TUBGCP2: variants seen among roughly 807,000 people sequenced by gnomAD.
TUBGCP2 encodes the protein tubulin gamma complex component 2.
A neutral mutation model predicts 92.2 loss-of-function variants in TUBGCP2; 55 were observed. That is an observed-to-expected ratio of 0.60 (90% CI 0.48 to 0.75). The LOEUF (loss-of-function observed/expected upper bound fraction) is 0.75, where lower values mean the gene tolerates loss of function less well. TUBGCP2 is among the 30% of genes least tolerant of loss of function. TUBGCP2 has a pLI of 0.00. For missense variants in TUBGCP2, 1,093 were observed against 1,188.9 expected (o/e 0.92, Z 1.19); for synonymous variants, 533 against 505.2 (o/e 1.06, Z -0.74).
intron 1 of TUBGCP2, among the ~76,000 whole-genome samples, chr10:133,304,597 G>T (rs1384382532): frequency 3.3e-5 from 5 of 152,208 alleles, no homozygotes; most frequent in Non-Finnish European, 5.9e-5. Flanking sequence ...AGTGTGGGCG[G>T]CAAGCCACCC....
rs1847238571 is a variant in TUBGCP2, at chr10:133,289,891, C to T, written c.1293G>A (p.Arg431=). 1 of 1,604,344 alleles carries T rather than the reference C, an allele frequency of 6.2e-7. No individual in the cohort carries two copies. The highest frequency in any genetic ancestry group is 8.5e-7 in the Non-Finnish European group (1 of 1,176,030). ...GGATCTGCTGCTGGACGATGGTGTA[C>T]CGCTGGTCCCAGTACTTGTCGTTGT... ...EDYNDKYWDQ[R]YTIVQQQIPS... is the part of the protein sequence containing the mutation. Residue 431 remains arginine, a synonymous_variant, in exon 9 of 18, where the codon CGG becomes CGA. Transcript: ENST00000252936.
At position 133,279,745 on chromosome 10, in the gene TUBGCP2, C is replaced by A. The variant is rs1846916351; in HGVS notation, c.*21G>T. On this transcript the variant is annotated 3_prime_UTR_variant, in exon 18 of 18. Coordinates refer to ENST00000252936, the MANE Select transcript of TUBGCP2 (RefSeq NM_006659.4). ...CAGTCCCTGCTGACCCCACACCCTT[C>A]CTTCCTGTCACAGCCAGGGCTCACT... is the stretch of plus-strand genomic sequence containing the variant. 3 of 1,546,216 alleles carry A rather than the reference C, an allele frequency of 1.9e-6. No individual in the cohort carries two copies. The highest frequency in any genetic ancestry group is 2.6e-6 in the Non-Finnish European group (3 of 1,144,382).
At position 133,285,589 on chromosome 10, in the gene TUBGCP2, G is replaced by A. The variant is rs139458346; in HGVS notation, c.1762C>T (p.Arg588Cys). Reference sequence around the variant, plus strand: ...TGCTTGGTCTCGATGGCCAGGACGCGCAAGAGCTGAGTGATGAGGTCATGG... The same window carrying A: ...TGCTTGGTCTCGATGGCCAGGACGCACAAGAGCTGAGTGATGAGGTCATGG... Reference protein sequence around the residue: ...MPHDLITQLLRVLAIETKQEK... With the variant: ...MPHDLITQLLCVLAIETKQEK... The change falls in exon 12 of 18, where the codon CGC (arginine) becomes TGC (cysteine). Residue 588 changes from arginine to cysteine, a missense_variant. By Grantham distance (180) the Arg-to-Cys change is radical. Coordinates refer to ENST00000252936, the MANE Select transcript of TUBGCP2 (RefSeq NM_006659.4). The surrounding 1 kb of genome is among the most constrained non-coding windows in gnomAD (Gnocchi z 6.8). 2.1e-5 allele frequency: 32 copies of A among 1,544,428 alleles called. No individual in the cohort carries two copies. Among genetic ancestry groups the A allele is most frequent in the East Asian group, 4.5e-5 (2 of 44,118 alleles).
Position 133,288,224 on chromosome 10 carries a change from C to T in TUBGCP2, c.1627G>A (p.Val543Met), listed in dbSNP as rs1024701857. ...AGGCGAGGGGGCGTGATGTCCTCCA[C>T]CGGCTTCCGGAGCTCCTCCTCCGCG... ...DLAEEELRKP[V>M]EDITPPRLEA... is the part of the protein sequence containing the mutation. Residue 543 changes from valine (V) to methionine (M), a missense_variant, in exon 11 of 18, where the codon GTG becomes ATG. By Grantham distance (21) the Val-to-Met change is conservative. Coordinates refer to ENST00000252936, the MANE Select transcript of TUBGCP2 (RefSeq NM_006659.4). 2 of 1,613,854 alleles carry T rather than the reference C, an allele frequency of 1.2e-6. No individual in the cohort carries two copies. Among genetic ancestry groups the T allele is most frequent in the Non-Finnish European group, 8.5e-7 (1 of 1,179,958 alleles).
chr10:133,312,075 A>G (rs1455955739), upstream of TUBGCP2: 1 of 1,462,392 alleles, frequency 6.8e-7, no homozygotes, highest in East Asian at 2.5e-5. Flanking sequence ...GCCAAGCACC[A>G]CTCACTTTTC....
intron 15 of TUBGCP2, among the ~76,000 whole-genome samples, chr10:133,282,616 C>T (rs904495015): frequency 8.5e-5 from 13 of 152,194 alleles, no homozygotes; most frequent in African/African-American, 2.4e-5. Context: ...CCCTCCTCCA[C>T]CTCCCCACTC....
chr10:133,294,865 C>T (rs1246431172), intron 5 of TUBGCP2, among the ~76,000 whole-genome samples: 1 of 151,970 alleles, frequency 6.6e-6, no homozygotes, highest in Non-Finnish European at 1.5e-5. Context: ...AATTCCATTT[C>T]TTTCTATTAC....
chr10:133,286,594 G>C lies in TUBGCP2; in HGVS notation c.1723-966C>G, dbSNP rs534843565. ...GTCCTCCTCCCGCGCGCACGGAACC[G>C]AGGGCACATCCTCCTCCCGCGCGCA... is the stretch of plus-strand genomic sequence containing the variant. On this transcript the variant is annotated intron_variant, in intron 11 of 17. Coordinates refer to ENST00000252936, the MANE Select transcript of TUBGCP2 (RefSeq NM_006659.4). 5.3e-5 allele frequency among the ~76,000 whole-genome samples: 8 copies of C among 151,796 alleles called. No individual in the cohort carries two copies. The South Asian group carries it at 1.7e-3, about 32-fold the overall frequency.
chr10:133,293,803 C>G, intron 5 of TUBGCP2, 34 bp from the exon 6 acceptor site: 1 of 1,550,622 alleles, frequency 6.4e-7, no homozygotes, highest in African/African-American at 1.4e-5. Flanking sequence ...GCTCTGCAGC[C>G]CCCACTCCCA....
Position 133,279,728 on chromosome 10 carries a change from G to C in TUBGCP2, c.*38C>G, listed in dbSNP as rs1272869715. ...TCTGGACCCATTTGCACCAGTCCCTGCTGACCCCACACCCTTCCTTCCTGT... is the reference window on the plus strand; with the variant it reads ...TCTGGACCCATTTGCACCAGTCCCTCCTGACCCCACACCCTTCCTTCCTGT... On this transcript the variant is annotated 3_prime_UTR_variant, in exon 18 of 18. Transcript: ENST00000252936. 1.3e-6 allele frequency: 2 copies of C among 1,526,100 alleles called. No homozygotes were observed. The highest frequency in any genetic ancestry group is 8.8e-7 in the Non-Finnish European group (1 of 1,135,358). The allele number at this position is 1,526,100 out of a possible 1,614,324, so 94.5% of individuals were successfully genotyped here. A position where few individuals can be genotyped will look rare whatever the true frequency, so the allele number is the denominator to read the frequency against.
chr10:133,282,303 C>T lies in TUBGCP2; in HGVS notation c.2329G>A (p.Gly777Arg), dbSNP rs765587736. ...ACGGTGCTGTGCTCCAGCGTCTGCC[C>T]GCCCAGCTCGCCATCTAATTTCATG... ...QSMKLDGELGGQTLEHSTVLG... is the reference protein window; with the variant it reads ...QSMKLDGELGRQTLEHSTVLG... Residue 777 changes from glycine to arginine, a missense_variant, in exon 16 of 18, where the codon GGG becomes AGG. Physicochemically the swap from Gly to Arg is moderately radical, Grantham distance 125. Around this residue, in one of 3 missense-constraint regions of TUBGCP2, gnomAD observed 598 missense variants for 675.5 expected, o/e 0.89. Transcript: ENST00000252936. 7.5e-6 allele frequency: 12 copies of T among 1,605,762 alleles called. No individual in the cohort carries two copies. The South Asian group carries it at 7.7e-5, about 10-fold the overall frequency.
In TUBGCP2 at chr10:133,293,633, G is replaced by A. The variant is rs1373065212; in HGVS notation, c.753C>T (p.Asn251=). 2.5e-6 allele frequency: 4 copies of A among 1,575,732 alleles called. No individual in the cohort carries two copies. The highest frequency in any genetic ancestry group is 1.2e-5 in the South Asian group (1 of 86,044). The part of the protein sequence containing the change: ...RQSRTFLVDP[N]LDLSIRELVH... ...CCAGCTCCCTGATGGACAGGTCCAG[G>A]TTGGGGTCCACGAGGAAGGTCCGGC... is the stretch of plus-strand genomic sequence containing the variant. Residue 251 remains asparagine, a synonymous_variant, in exon 6 of 18, where the codon AAC becomes AAT. Transcript: ENST00000252936.
At chr10:133,308,895 C>G (rs1847904158), upstream of TUBGCP2, 1 of 1,203,870 alleles carries the variant, frequency 8.3e-7, no homozygotes. Context: ...ACGTCCGGCT[C>G]GGCTCGCGGA....
At chr10:133,309,850 A>G, upstream of TUBGCP2, 1 of 1,613,716 alleles carries the variant, frequency 6.2e-7, no homozygotes, top group Non-Finnish European at 8.5e-7. Flanking sequence ...GAGCACCACT[A>G]CCACACGCTG....
At position 133,283,724 on chromosome 10, in the gene TUBGCP2, GCACT is replaced by G. The variant is rs1564934691; in HGVS notation, c.2145+154_2145+157del. Reference sequence around the variant, plus strand: ...CTCTCCCGCACGCCCTGCCTCTCCCGCACTCCCTGCCTCTCCTGCACTCCCTGCG... The same window carrying G: ...CTCTCCCGCACGCCCTGCCTCTCCCGCCCTGCCTCTCCTGCACTCCCTGCG... On this transcript the variant is annotated intron_variant, in intron 14 of 17. Transcript: ENST00000252936. Among the ~76,000 whole-genome samples the G allele has an allele frequency of 7.9e-3, 117 of 14,824 alleles. 2 individuals are homozygous for G. The highest frequency in any genetic ancestry group is 0.074 in the East Asian group (8 of 108). The allele number at this position is 14,824 out of a possible 152,430, so 9.7% of individuals were successfully genotyped here.
At position 133,285,186 on chromosome 10, in the gene TUBGCP2, G is replaced by A; in HGVS notation, c.1923C>T (p.Leu641=). Residue 641 remains leucine (L), a synonymous_variant, in exon 13 of 18, where the codon CTC becomes CTT. Coordinates refer to ENST00000252936, the MANE Select transcript of TUBGCP2 (RefSeq NM_006659.4). The surrounding 1 kb of genome is among the most constrained non-coding windows in gnomAD (Gnocchi z 6.8). ...NRKALTRYQM[L]FRHMFYCKHV... ...GCTTGCAGTAGAACATGTGCCTGAA[G>A]AGCATCTGGTAGCGAGTGAGGGCTT... 1 of 1,613,286 alleles carries A rather than the reference G, an allele frequency of 6.2e-7. No homozygotes were observed. The highest frequency in any genetic ancestry group is 8.5e-7 in the Non-Finnish European group (1 of 1,180,006).
chr10:133,284,137 C>G, intron 13 of TUBGCP2, 135 bp from the exon 14 acceptor site: 2 of 1,390,226 alleles, frequency 1.4e-6, no homozygotes, highest in Non-Finnish European at 1.9e-6. Flanking sequence ...GAGCAAGCGC[C>G]CCTCCCAGCA....
At chr10:133,300,218 G>T (rs1847609484) in intron 2 of TUBGCP2, 105 bp from the exon 3 acceptor site, 2 of 1,333,704 alleles carry the variant, frequency 1.5e-6, no homozygotes, top group Non-Finnish European at 2.1e-6. Flanking sequence ...AATTAAATTG[G>T]GTAGGTTAAA....
chr10:133,281,295 C>T lies in TUBGCP2; in HGVS notation c.2551G>A (p.Gly851Ser), dbSNP rs775048794. ...SIYSTSDCEH[G>S]MASVISRLDF... ...CACCTGGAGATGACGCTGGCCATGC[C>T]GTGCTCACAGTCACTGGTGCTATAG... is the stretch of plus-strand genomic sequence containing the variant. The change falls in exon 17 of 18, where the codon GGC becomes AGC. Residue 851 changes from glycine to serine, a missense_variant. Gly to Ser is a moderately conservative substitution (Grantham distance 56, BLOSUM62 0). Transcript: ENST00000252936. The T allele has an allele frequency of 5.6e-6, 9 of 1,612,210 alleles. No homozygotes were observed. The highest frequency in any genetic ancestry group is 1.7e-5 in the Admixed American group (1 of 60,012).
Sources: gnomAD v4.1 joint callset for allele counts (sites outside exome capture counted in the v4.1 genomes callset) on GRCh38, gnomAD v4.1.1 for gene constraint, gnomAD v4.1.1 regional missense constraint, Gnocchi (gnomAD v3.1) non-coding constraint, MANE v1.5 for transcripts, NCBI Gene and HGNC (gene_info 2026-07-23, HGNC 2026-07-21) for gene names.